NRK: variants seen among roughly 807,000 people sequenced by gnomAD.
NRK encodes Nik related kinase.
Under a neutral mutation model 125.2 loss-of-function variants are expected in NRK, and 67 were observed. The observed-to-expected ratio is 0.54, with a 90% confidence interval of 0.44 to 0.66. The LOEUF is 0.66. Ranked by LOEUF, NRK falls within the 30% of genes least tolerant of loss-of-function variation. The pLI, the probability that NRK is intolerant of heterozygous loss-of-function variation, is 0.00. For missense variants in NRK, 1,224 were observed against 1,192.9 expected (o/e 1.03, Z -0.38); for synonymous variants, 458 against 429.0 (o/e 1.07, Z -0.84).
intron 2 of NRK, among the ~76,000 whole-genome samples, chrX:105,842,744 A>G (rs2039346778): frequency 3.6e-5 from 4 of 111,492 alleles, no homozygotes; most frequent in Non-Finnish European, 7.5e-5. Context: ...AGAGGGTGGC[A>G]GAGGCAGAGA....
chrX:105,871,719 C>T lies in NRK; in HGVS notation c.124-8480C>T, dbSNP rs986678011. 1.7e-4 allele frequency among the ~76,000 whole-genome samples: 19 copies of T among 111,345 alleles called. 1 individual carries two copies. Among genetic ancestry groups the T allele is most frequent in the Non-Finnish European group, 1.9e-5 (1 of 53,008 alleles). On this transcript the variant is annotated intron_variant, in intron 2 of 28. Transcript: ENST00000243300. The stretch of plus-strand genomic sequence containing the variant: ...GTGGCAAAAGGAACTTAAGATGGCT[C>T]AGGAATATAAAGTGCCAACTGATCA...
chrX:105,823,876 A>G (rs1395451089), intron 1 of NRK, among the ~76,000 whole-genome samples: 1 of 112,527 alleles, frequency 8.9e-6, no homozygotes, highest in Non-Finnish European at 1.9e-5. Context: ...AATGATCACC[A>G]GGCAACTGTA....
chrX:105,823,546 T>G (rs2039052680), intron 1 of NRK, among the ~76,000 whole-genome samples: 1 of 111,212 alleles, frequency 9.0e-6, no homozygotes, highest in Admixed American at 9.6e-5. Flanking sequence ...GATTTTTTTT[T>G]TTTTTAATAT....
chrX:105,957,174 A>T lies in NRK; in HGVS notation c.*1574A>T, dbSNP rs748473968. 1.1e-4 allele frequency: 12 copies of T among 112,447 alleles called. No individual in the cohort carries two copies. Among genetic ancestry groups the T allele is most frequent in the Non-Finnish European group, 1.9e-4 (10 of 53,180 alleles). 9.3% of individuals were successfully genotyped at this position (112,447 alleles called of 1,213,427 possible). On this transcript the variant is annotated 3_prime_UTR_variant, in exon 29 of 29. Transcript: ENST00000243300. ...GCCTGAATCCATTAATTAAGGAAAT[A>T]AATGTGACTCACATTTCTTTTACTG...
intron 19 of NRK, among the ~76,000 whole-genome samples, chrX:105,927,188 G>T (rs1019462147): frequency 9.0e-5 from 10 of 110,544 alleles, no homozygotes; most frequent in Non-Finnish European, 1.7e-4. Flanking sequence ...TTCTTGTAGA[G>T]ATCTTTCACC....
intron 2 of NRK, among the ~76,000 whole-genome samples, chrX:105,854,619 G>A (rs758322303): frequency 2.7e-5 from 3 of 111,716 alleles, no homozygotes; most frequent in Admixed American, 1.9e-4. Flanking sequence ...ACCCAGGTTC[G>A]CTGTGTTCTG....
chrX:105,843,548 T>C (rs1323095507), intron 2 of NRK, among the ~76,000 whole-genome samples: 1 of 112,407 alleles, frequency 8.9e-6, no homozygotes. Context: ...GGTGGCACTG[T>C]GTAGAGATAA....
intron 11 of NRK, chrX:105,907,951 C>T (rs780215025): frequency 6.0e-6 from 1 of 166,682 alleles, no homozygotes; most frequent in East Asian, 1.3e-4. Context: ...CTCATTCTCC[C>T]TTTGTCCCAT....
At chrX:105,825,532 G>T (rs2039081165) in intron 1 of NRK, among the ~76,000 whole-genome samples, 1 of 112,360 alleles carries the variant, frequency 8.9e-6, no homozygotes, top group Admixed American at 9.4e-5. Context: ...ACAAGACAAA[G>T]ACCCTTGAGG....
intron 8 of NRK, among the ~76,000 whole-genome samples, chrX:105,899,443 T>C (rs770165009): frequency 1.8e-5 from 2 of 111,857 alleles, no homozygotes; most frequent in South Asian, 7.5e-4. Flanking sequence ...TCTTTTCCCT[T>C]TCCTTAAGTG....
intron 2 of NRK, among the ~76,000 whole-genome samples, chrX:105,868,510 G>A (rs976361784): frequency 3.6e-5 from 4 of 111,092 alleles, no homozygotes; most frequent in Non-Finnish European, 7.6e-5. Context: ...TTATCTAGAC[G>A]ATTGCCTTAG....
chrX:105,928,196 A>G (rs1602683487), intron 19 of NRK, among the ~76,000 whole-genome samples: 2 of 110,845 alleles, frequency 1.8e-5, no homozygotes, highest in Admixed American at 9.6e-5. Context: ...TAGGCTTTCT[A>G]TTTCTTCTTG....
At chrX:105,952,955 A>G (rs917259325) in intron 27 of NRK, 79 bp from the exon 28 acceptor site, 1 of 829,222 alleles carries the variant, frequency 1.2e-6, no homozygotes, top group Non-Finnish European at 1.6e-6. Context: ...TAATAAACAA[A>G]CATTGACTGT....
chrX:105,826,444 A>G (rs1334936383), intron 1 of NRK, among the ~76,000 whole-genome samples: 2 of 95,138 alleles, frequency 2.1e-5, no homozygotes, highest in Non-Finnish European at 4.1e-5. Context: ...TGAGACTGGA[A>G]ACTATTTCTT....
chrX:105,949,747 T>C lies in NRK; in HGVS notation c.4513+13T>C, dbSNP rs1331786604. On this transcript the variant is annotated intron_variant, in intron 27 of 28. Transcript: ENST00000243300. ...CCATCTTCTATAGGTATGTATACAATTTATTTCTTCTTCAGGACCCCAGAG... is the reference window on the plus strand; with the variant it reads ...CCATCTTCTATAGGTATGTATACAACTTATTTCTTCTTCAGGACCCCAGAG... The C allele has an allele frequency of 9.0e-7, 1 of 1,115,743 alleles. No homozygotes were observed. The highest frequency in any genetic ancestry group is 1.2e-6 in the Non-Finnish European group (1 of 828,086). The allele number at this position is 1,115,743 out of a possible 1,213,427, so 91.9% of individuals were successfully genotyped here.
chrX:105,896,254 G>A (rs1345737024), intron 7 of NRK, among the ~76,000 whole-genome samples: 1 of 111,834 alleles, frequency 8.9e-6, no homozygotes, highest in Non-Finnish European at 1.9e-5. Flanking sequence ...GTACATTGTA[G>A]TGGCAGATAA....
intron 13 of NRK, among the ~76,000 whole-genome samples, chrX:105,910,365 C>T (rs775649620): frequency 1.8e-5 from 2 of 111,956 alleles, no homozygotes; most frequent in African/African-American, 3.2e-5. Flanking sequence ...ATGTTTAAAT[C>T]AAGGTTAAAA....
chrX:105,835,628 C>CT lies in NRK; in HGVS notation c.123+4524dup, dbSNP rs111584644. Reference sequence around the variant, plus strand: ...TTGCCCTTCTCCCAAAATTGGAGGACTTTTTTTTTTTTTTTACCTTTCCCC... The same window carrying CT: ...TTGCCCTTCTCCCAAAATTGGAGGACTTTTTTTTTTTTTTTTACCTTTCCCC... On this transcript the variant is annotated intron_variant, in intron 2 of 28. Transcript: ENST00000243300. Among the ~76,000 whole-genome samples, 766 of 97,358 alleles carry CT rather than the reference C, an allele frequency of 7.9e-3. 1 individual carries two copies. Among genetic ancestry groups the CT allele is most frequent in the Middle Eastern group, 0.015 (3 of 198 alleles). The allele number at this position is 97,358 out of a possible 115,157, so 84.5% of individuals were successfully genotyped here.
chrX:105,831,867 G>T (rs1467647267), intron 2 of NRK, among the ~76,000 whole-genome samples: 4 of 111,884 alleles, frequency 3.6e-5, no homozygotes, highest in Non-Finnish European at 5.6e-5. Flanking sequence ...GTAATGTACA[G>T]ACTTTTGTTC....
Sources: gnomAD v4.1 joint callset for allele counts (sites outside exome capture counted in the v4.1 genomes callset) on GRCh38, gnomAD v4.1.1 for gene constraint, MANE v1.5 for transcripts, NCBI Gene and HGNC (gene_info 2026-07-23, HGNC 2026-07-21) for gene names.